Variants in ASGR1 observed in about 807,000 individuals in gnomAD.
ASGR1 encodes the protein C-type lectin domain family 4 member H1.
ASGR1 carries 35 observed loss-of-function variants against 33.1 expected under a neutral mutation model. The ratio of observed to expected loss-of-function variants is 1.06; its 90% confidence interval spans 0.81 to 1.40. The LOEUF is 1.40. ASGR1 is among the 40% of genes most tolerant of loss of function. ASGR1 has a pLI of 0.00. For synonymous variants in ASGR1, 142 were observed against 152.5 expected (o/e 0.93, Z 0.51); for missense variants, 396 against 373.7 (o/e 1.06, Z -0.49).
At chr17:7,178,158 G>A (rs561015503) in intron 2 of ASGR1, 2 of 351,418 alleles carry the variant, frequency 5.7e-6, no homozygotes, top group Non-Finnish European at 1.1e-5. Context: ...CCTGGGTGGT[G>A]TTGGAAGGGG....
At chr17:7,176,936 C>CCCCCAGCCCCAGCCCCAGCCCCAG in intron 4 of ASGR1, 35 bp from the exon 5 acceptor site, 1 of 1,608,616 alleles carries the variant, frequency 6.2e-7, no homozygotes, top group Middle Eastern at 2.1e-4. Flanking sequence ...TCCCGACAGC[C>CCCCCAGCCCCAGCCCCAGCCCCAG]CCCCAGCCCC....
chr17:7,174,725 A>ACT (rs1307343608), intron 5 of ASGR1, among the ~76,000 whole-genome samples: 1 of 150,474 alleles, frequency 6.6e-6, no homozygotes, highest in African/African-American at 2.5e-5. Flanking sequence ...ACACACACAC[A>ACT]CAACCTAACC....
At chr17:7,177,147 C>A in intron 3 of ASGR1, 63 bp downstream of exon 3, 1 of 1,613,168 alleles carries the variant, frequency 6.2e-7, no homozygotes, top group Non-Finnish European at 8.5e-7. Context: ...CCACCACTCC[C>A]TTGCCACGGT....
chr17:7,175,124 C>T (rs556586853), intron 5 of ASGR1, among the ~76,000 whole-genome samples: 115 of 149,988 alleles, frequency 7.7e-4, no homozygotes, highest in Admixed American at 1.5e-3. Flanking sequence ...CACAACACAC[C>T]CTAACCCACA....
chr17:7,176,269 ACT>A (rs1464830701), intron 5 of ASGR1, among the ~76,000 whole-genome samples: 4 of 133,086 alleles, frequency 3.0e-5, no homozygotes, highest in East Asian at 2.2e-4. Flanking sequence ...TCTCACACTC[ACT>A]CACACACCCC....
chr17:7,173,954 C>T lies in ASGR1; in HGVS notation c.701+7G>A, dbSNP rs2069163813. The stretch of plus-strand genomic sequence containing the variant: ...CGGACCCAGGCCGAGGGAGGGCGCG[C>T]ACTCACTTGAAGCCCGTCTCGTAGT... On this transcript the variant is annotated splice_region_variant and intron_variant, in intron 8 of 8. Coordinates refer to ENST00000269299, the MANE Select transcript of ASGR1 (RefSeq NM_001671.5). This position sits in a 1 kb window ranked among gnomAD's most constrained non-coding sequence, Gnocchi z 4.7. The T allele has an allele frequency of 6.2e-7, 1 of 1,614,020 alleles. No individual in the cohort carries two copies. The highest frequency in any genetic ancestry group is 1.3e-5 in the African/African-American group (1 of 74,956).
intron 5 of ASGR1, 144 bp downstream of exon 5, chr17:7,176,684 CCT>C (rs2069217870): frequency 2.5e-6 from 3 of 1,209,824 alleles, no homozygotes; most frequent in Non-Finnish European, 3.5e-6. Context: ...ACACACTCCC[CCT>C]CATTCTCACA....
rs560102759 is a variant in ASGR1 at position 7,173,562 on chromosome 17, C to G, written c.*97G>C. 7.5e-5 allele frequency: 114 copies of G among 1,514,410 alleles called. 3 individuals are homozygous for G. The East Asian group carries it at 2.4e-3, about 32-fold the overall frequency. The allele number at this position is 1,514,410 out of a possible 1,614,324, so 93.8% of individuals were successfully genotyped here. A position where few individuals can be genotyped will look rare whatever the true frequency, so the allele number is the denominator to read the frequency against. On this transcript the variant is annotated 3_prime_UTR_variant, in exon 9 of 9. Coordinates refer to ENST00000269299, the MANE Select transcript of ASGR1 (RefSeq NM_001671.5). The surrounding 1 kb of genome is among the most constrained non-coding windows in gnomAD (Gnocchi z 4.7). The stretch of plus-strand genomic sequence containing the variant: ...CCTATCCTTCCCCTTCCCTTAAAAT[C>G]CTAGATGAAAATTCCCGAGAAAGCA...
At chr17:7,176,167 A>AC (rs1284255070) in intron 5 of ASGR1, among the ~76,000 whole-genome samples, 1 of 138,592 alleles carries the variant, frequency 7.2e-6, no homozygotes, top group South Asian at 2.4e-4. Context: ...ACAGACACAC[A>AC]CCCCATCTCA....
intron 5 of ASGR1, among the ~76,000 whole-genome samples, chr17:7,175,255 C>T (rs916691738): frequency 2.0e-5 from 3 of 148,506 alleles, no homozygotes; most frequent in Admixed American, 6.7e-5. Context: ...CAACATACAC[C>T]CTCACACACA....
intron 5 of ASGR1, among the ~76,000 whole-genome samples, chr17:7,175,733 T>A (rs1284210272): frequency 7.0e-6 from 1 of 142,176 alleles, no homozygotes; most frequent in Non-Finnish European, 1.5e-5. Flanking sequence ...ACACAGACTC[T>A]CCCACTCACA....
Position 7,176,812 on chromosome 17 carries a change from A to C in ASGR1, c.355+18T>G. 1 of 1,610,072 alleles carries C rather than the reference A, an allele frequency of 6.2e-7. No homozygotes were observed. Among genetic ancestry groups the C allele is most frequent in the East Asian group, 2.2e-5 (1 of 44,804 alleles). On this transcript the variant is annotated intron_variant, in intron 5 of 8. Transcript: ENST00000269299. ...CTCTTTCACACACACACACACACAC[A>C]CACACTCCCTCTCTGACCTTCACTC...
Position 7,173,972 on chromosome 17 carries a change from C to CTCG in ASGR1, c.687_689dup (p.Tyr229_Glu230insAsp). 6.2e-7 allele frequency: 1 copy of CTCG among 1,614,212 alleles called. No homozygotes were observed. The highest frequency in any genetic ancestry group is 8.5e-7 in the Non-Finnish European group (1 of 1,179,998). Reference sequence around the variant, plus strand: ...GGGCGCGCACTCACTTGAAGCCCGTCTCGTAGTCCGTCCCGTCCACCCACT... The same window carrying CTCG: ...GGGCGCGCACTCACTTGAAGCCCGTCTCGTCGTAGTCCGTCCCGTCCACCCACT... On this transcript the variant is annotated inframe_insertion, in exon 8 of 9. Transcript: ENST00000269299. This position sits in a 1 kb window ranked among gnomAD's most constrained non-coding sequence, Gnocchi z 4.7.
chr17:7,177,635 C>T (rs908335083), intron 2 of ASGR1: 1 of 294,196 alleles, frequency 3.4e-6, no homozygotes, highest in South Asian at 8.1e-5. Flanking sequence ...CCCCTCCTCC[C>T]GCGCCTTGAA....
At chr17:7,178,713 CT>C in intron 1 of ASGR1, 125 bp from the exon 2 acceptor site, 4 of 484,124 alleles carry the variant, frequency 8.3e-6, no homozygotes, top group East Asian at 3.5e-5. Flanking sequence ...TTCTTTCTTT[CT>C]TTTCTTTTTC....
In ASGR1 at chr17:7,174,439, T is replaced by C. The variant is rs2069170448; in HGVS notation, c.377A>G (p.His126Arg). The change falls in exon 6 of 9, where the codon CAC (histidine) becomes CGC (arginine). Residue 126 changes from histidine to arginine, a missense_variant. His to Arg is a conservative substitution (Grantham distance 29). Transcript: ENST00000269299. The part of the protein sequence containing the change: ...LSEDHSSLLL[H>R]VKQFVSDLRS... Reference sequence around the variant, plus strand: ...CAGGTCAGACACGAACTGCTTCACGTGGAGCAGCAGGCTGGAGTGATCTGG... The same window carrying C: ...CAGGTCAGACACGAACTGCTTCACGCGGAGCAGCAGGCTGGAGTGATCTGG... The C allele has an allele frequency of 1.2e-6, 2 of 1,613,192 alleles. No homozygotes were observed. Among genetic ancestry groups the C allele is most frequent in the Non-Finnish European group, 1.7e-6 (2 of 1,179,706 alleles).
At position 7,173,845 on chromosome 17, in the gene ASGR1, G is replaced by C; in HGVS notation, c.702-12C>G. On this transcript the variant is annotated splice_polypyrimidine_tract_variant and intron_variant, in intron 8 of 8. Coordinates refer to ENST00000269299, the MANE Select transcript of ASGR1 (RefSeq NM_001671.5). This position sits in a 1 kb window ranked among gnomAD's most constrained non-coding sequence, Gnocchi z 4.7. ...CCGGCCTCCAGTTCCTGGGGACAGA[G>C]CCAGCTGTGGGCCCCAGGAGGTCGG... The C allele has an allele frequency of 1.2e-6, 2 of 1,608,514 alleles. No individual in the cohort carries two copies. Among genetic ancestry groups the C allele is most frequent in the Non-Finnish European group, 1.7e-6 (2 of 1,178,234 alleles).
At chr17:7,176,527 CCACA>C (rs57702147) in intron 5 of ASGR1, 1 of 411,600 alleles carries the variant, frequency 2.4e-6, no homozygotes, top group Non-Finnish European at 4.2e-6. Flanking sequence ...CCTCTCATTC[CCACA>C]CACACACCAT....
At position 7,174,460 on chromosome 17, in the gene ASGR1, TC is replaced by T; in HGVS notation, c.356-1del. On this transcript the variant is annotated splice_acceptor_variant, in intron 5 of 8. Coordinates refer to ENST00000269299, the MANE Select transcript of ASGR1 (RefSeq NM_001671.5). LOFTEE classifies it high-confidence loss of function. Reference sequence around the variant, plus strand: ...CACGTGGAGCAGCAGGCTGGAGTGATCTGGGGAGACCGGGCGGAGGGGAGCG... The same window carrying T: ...CACGTGGAGCAGCAGGCTGGAGTGATTGGGGAGACCGGGCGGAGGGGAGCG... 6.2e-7 allele frequency: 1 copy of T among 1,612,320 alleles called. No individual in the cohort carries two copies. The highest frequency in any genetic ancestry group is 8.5e-7 in the Non-Finnish European group (1 of 1,179,296).
Sources: gnomAD v4.1 joint callset for allele counts (sites outside exome capture counted in the v4.1 genomes callset) on GRCh38, gnomAD v4.1.1 for gene constraint, Gnocchi (gnomAD v3.1) non-coding constraint, MANE v1.5 for transcripts, NCBI Gene and HGNC (gene_info 2026-07-23, HGNC 2026-07-21) for gene names.